The following JAKMIP2 variants were observed in gnomAD, a reference collection of about 807,000 sequenced individuals.
JAKMIP2 encodes janus kinase and microtubule-interacting protein 2.
In JAKMIP2, 25 loss-of-function variants were observed where a neutral mutation model predicts 115.0. The ratio of observed to expected loss-of-function variants is 0.22; its 90% CI spans 0.16 to 0.30. The LOEUF is 0.30. JAKMIP2 is among the 10% of genes least tolerant of loss of function. JAKMIP2 has a pLI of 1.00. For missense variants in JAKMIP2, 642 were observed against 957.6 expected (o/e 0.67, Z 4.35); for synonymous variants, 334 against 343.6 (o/e 0.97, Z 0.31).
At chr5:147,686,245 T>C (rs937274429) in intron 1 of JAKMIP2, among the ~76,000 whole-genome samples, 8 of 148,754 alleles carry the variant, frequency 5.4e-5, no homozygotes, top group African/African-American at 1.8e-4. Flanking sequence ...AACAAACTTC[T>C]GAATGTATGC....
chr5:147,606,899 C>G (rs1020089628), intron 20 of JAKMIP2, among the ~76,000 whole-genome samples: 57 of 150,446 alleles, frequency 3.8e-4, no homozygotes, highest in African/African-American at 1.1e-3. Flanking sequence ...GTCCTTCCCA[C>G]GTAAGTTGTA....
At chr5:147,692,841 A>G (rs1294302834) in intron 1 of JAKMIP2, among the ~76,000 whole-genome samples, 2 of 152,266 alleles carry the variant, frequency 1.3e-5, no homozygotes, top group African/African-American at 4.8e-5. Context: ...TAATAATAAG[A>G]TTGACAAAGC....
intron 18 of JAKMIP2, among the ~76,000 whole-genome samples, chr5:147,618,517 ATCTGAGGTCAGGAGT>A (rs1756695175): frequency 1.3e-5 from 2 of 152,148 alleles, no homozygotes; most frequent in Admixed American, 1.3e-4. Flanking sequence ...CAGGCGGATC[ATCTGAGGTCAGGAGT>A]TCGAGACCAG....
chr5:147,694,503 A>G (rs189934833), intron 1 of JAKMIP2, among the ~76,000 whole-genome samples: 2 of 152,306 alleles, frequency 1.3e-5, no homozygotes, highest in East Asian at 3.9e-4. Flanking sequence ...TACAGATCCT[A>G]TAATTGTCTA....
intron 1 of JAKMIP2, among the ~76,000 whole-genome samples, chr5:147,680,048 C>T (rs982351529): frequency 1.5e-4 from 23 of 152,230 alleles, no homozygotes; most frequent in Admixed American, 3.3e-4. Context: ...GTTGCTTAAA[C>T]TCTCTAAGCT....
chr5:147,622,539 G>C (rs1050411957), intron 17 of JAKMIP2, among the ~76,000 whole-genome samples: 1 of 152,152 alleles, frequency 6.6e-6, no homozygotes. Context: ...TTCACTTAAC[G>C]TAGTGTCCTG....
At chr5:147,680,158 AT>A (rs2126829873) in intron 1 of JAKMIP2, among the ~76,000 whole-genome samples, 1 of 152,280 alleles carries the variant, frequency 6.6e-6, no homozygotes, top group African/African-American at 2.4e-5. Context: ...CTAGCAAATT[AT>A]TTTTATCATT....
intron 2 of JAKMIP2, among the ~76,000 whole-genome samples, chr5:147,669,265 C>T (rs1182631351): frequency 6.6e-6 from 1 of 152,216 alleles, no homozygotes; most frequent in Non-Finnish European, 1.5e-5. Flanking sequence ...AATGAGACTT[C>T]CCTTTAGCTC....
chr5:147,618,399 C>T (rs1756688802), intron 18 of JAKMIP2, among the ~76,000 whole-genome samples: 1 of 152,152 alleles, frequency 6.6e-6, no homozygotes, highest in Non-Finnish European at 1.5e-5. Context: ...AACTGTAGTT[C>T]CTATCCTAAA....
At chr5:147,760,005 TAAC>T (rs991441164) in intron 1 of JAKMIP2, among the ~76,000 whole-genome samples, 1 of 152,022 alleles carries the variant, frequency 6.6e-6, no homozygotes, top group African/African-American at 2.4e-5. Flanking sequence ...ACAGGATTGT[TAAC>T]AGATTGAATG....
rs1466710509 is a variant in JAKMIP2, at chr5:147,588,912, A to G, written c.*2795T>C. On this transcript the variant is annotated 3_prime_UTR_variant, in exon 22 of 22. Transcript: ENST00000616793. ...TGGTGGGTGGGAAAGCAAAATTAAG[A>G]GAAGGAAGGTGTGTGTTGGAGCAGA... The G allele has an allele frequency of 1.3e-5, 2 of 152,168 alleles. No individual in the cohort carries two copies. Among genetic ancestry groups the G allele is most frequent in the Non-Finnish European group, 2.9e-5 (2 of 68,022 alleles). The allele number at this position is 152,168 out of a possible 1,614,324, so 9.4% of individuals were successfully genotyped here. A position where few individuals can be genotyped will look rare whatever the true frequency, so the allele number is the denominator to read the frequency against.
chr5:147,782,362 G>C, intron 1 of JAKMIP2, 94 bp downstream of exon 1: 3 of 1,237,424 alleles, frequency 2.4e-6, no homozygotes, highest in Non-Finnish European at 3.4e-6. Context: ...TCTGAGGCAC[G>C]GGAGTCATTG....
At chr5:147,674,476 G>T (rs1759813711) in intron 1 of JAKMIP2, among the ~76,000 whole-genome samples, 1 of 152,160 alleles carries the variant, frequency 6.6e-6, no homozygotes, top group Non-Finnish European at 1.5e-5. Context: ...CCACAAATTT[G>T]CCTGGTGTAT....
At chr5:147,715,480 T>A (rs1463437258) in intron 1 of JAKMIP2, among the ~76,000 whole-genome samples, 1 of 151,034 alleles carries the variant, frequency 6.6e-6, no homozygotes, top group Non-Finnish European at 1.5e-5. Flanking sequence ...TTCATGTTAC[T>A]ATATTATATA....
At chr5:147,667,825 G>T (rs1366323865) in intron 2 of JAKMIP2, among the ~76,000 whole-genome samples, 1 of 152,138 alleles carries the variant, frequency 6.6e-6, no homozygotes, top group Non-Finnish European at 1.5e-5. Context: ...GTATCTGGAG[G>T]CTGTGGGGAC....
At chr5:147,652,939 T>C (rs1003404175) in intron 3 of JAKMIP2, among the ~76,000 whole-genome samples, 1 of 152,142 alleles carries the variant, frequency 6.6e-6, no homozygotes, top group Non-Finnish European at 1.5e-5. Context: ...CTCCCACTTA[T>C]GAGCGGGAAC....
At chr5:147,695,650 C>G (rs1000664424) in intron 1 of JAKMIP2, among the ~76,000 whole-genome samples, 1 of 143,008 alleles carries the variant, frequency 7.0e-6, no homozygotes, top group Non-Finnish European at 1.5e-5. Context: ...AGTGAAAGGT[C>G]TGTGTGTGTG....
At chr5:147,668,669 A>G (rs2126799525) in intron 2 of JAKMIP2, among the ~76,000 whole-genome samples, 1 of 152,354 alleles carries the variant, frequency 6.6e-6, no homozygotes, top group Admixed American at 6.5e-5. Flanking sequence ...AGATAATGGC[A>G]TGAAAGCACT....
intron 1 of JAKMIP2, among the ~76,000 whole-genome samples, chr5:147,781,134 C>G (rs757943617): frequency 2.5e-4 from 38 of 152,158 alleles, no homozygotes; most frequent in Non-Finnish European, 4.1e-4. Context: ...CATTCTCCTG[C>G]TCGCTTTGCT....
Sources: allele counts gnomAD v4.1 joint callset (sites outside exome capture counted in the v4.1 genomes callset), GRCh38; gene constraint gnomAD v4.1.1; transcripts MANE v1.5; gene names NCBI Gene and HGNC (gene_info 2026-07-23, HGNC 2026-07-21).